Variants in RNF213 observed in about 807,000 individuals in gnomAD.
The protein encoded by RNF213 is ring finger protein 213.
A neutral mutation model predicts 514.4 loss-of-function variants in RNF213; 341 were observed. The observed-to-expected ratio is 0.66, with a 90% CI of 0.61 to 0.73. The LOEUF (loss-of-function observed/expected upper bound fraction) is 0.73, where lower values mean the gene tolerates loss of function less well. Ranked by LOEUF, RNF213 falls within the 30% of genes least tolerant of loss-of-function variation. The probability of loss-of-function intolerance (pLI) is 0.00; values close to 1 mark genes in which losing one functional copy is unlikely to be tolerated. For synonymous variants in RNF213, 2,655 were observed against 2,658.2 expected, an observed-to-expected ratio of 1.00 and a Z score of 0.04; for missense variants, 5,767 against 6,615.6, an observed-to-expected ratio of 0.87 and a Z score of 4.45.
Position 80,263,003 on chromosome 17 carries a change from T to A in RNF213, c.-108-571T>A, listed in dbSNP as rs2043478219. On this transcript the variant is annotated intron_variant, in intron 1 of 67. Coordinates refer to ENST00000582970, the MANE Select transcript of RNF213 (RefSeq NM_001256071.3). The surrounding 1 kb of genome is among the most constrained non-coding windows in gnomAD (Gnocchi z 4.9). ...AGGGAGAGAGTCAGGTCCTCCACTG[T>A]TAGGTGGCCAAGCGCCCAAACGCCA... Among the ~76,000 whole-genome samples, 1 of 152,088 alleles carries A rather than the reference T, an allele frequency of 6.6e-6. No individual in the cohort carries two copies. Among genetic ancestry groups the A allele is most frequent in the Non-Finnish European group, 1.5e-5 (1 of 67,982 alleles).
chr17:80,306,276 A>C lies in RNF213; in HGVS notation c.2235A>C (p.Arg745Ser). 1 of 1,614,064 alleles carries C rather than the reference A, an allele frequency of 6.2e-7. No homozygotes were observed. The highest frequency in any genetic ancestry group is 8.5e-7 in the Non-Finnish European group (1 of 1,180,030). The change falls in exon 12 of 68, where the codon AGA (arginine) becomes AGC (serine). Residue 745 changes from arginine (R) to serine (S), a missense_variant. Around this residue, in one of 13 missense-constraint regions of RNF213, gnomAD observed 592 missense variants for 673.9 expected, o/e 0.88. Transcript: ENST00000582970. The stretch of plus-strand genomic sequence containing the variant: ...GGAGTTCCCTACTTCAGTTTATGAG[A>C]GAGAAGCAGCATTTGCTGAGCATAG... ...LDTSSLLQFM[R>S]EKQHLLSIDE...
chr17:80,283,376 A>G (rs1205297075), intron 3 of RNF213, among the ~76,000 whole-genome samples: 2 of 152,210 alleles, frequency 1.3e-5, no homozygotes, highest in Non-Finnish European at 2.9e-5. Flanking sequence ...TTTCTATTGA[A>G]AAGAGGTTCT....
intron 44 of RNF213, among the ~76,000 whole-genome samples, chr17:80,368,939 C>T (rs1021263141): frequency 1.3e-5 from 2 of 152,190 alleles, no homozygotes; most frequent in African/African-American, 2.4e-5. Flanking sequence ...ACCAGGCAAG[C>T]CCAGTGGATG....
In RNF213 at chr17:80,377,731, T is replaced by C; in HGVS notation, c.13511-31T>C. ...ATGTGGGTCATTGGGTGAAACCTCATTAGCCAATGTGTGTCCTGTTCTCTT... is the reference window on the plus strand; with the variant it reads ...ATGTGGGTCATTGGGTGAAACCTCACTAGCCAATGTGTGTCCTGTTCTCTT... On this transcript the variant is annotated intron_variant, in intron 53 of 67. Coordinates refer to ENST00000582970, the MANE Select transcript of RNF213 (RefSeq NM_001256071.3). This position sits in a 1 kb window ranked among gnomAD's most constrained non-coding sequence, Gnocchi z 4.1. The C allele has an allele frequency of 6.2e-7, 1 of 1,613,936 alleles. No homozygotes were observed. Among genetic ancestry groups the C allele is most frequent in the Non-Finnish European group, 8.5e-7 (1 of 1,179,782 alleles).
At chr17:80,311,873 T>A (rs2096340164) in intron 14 of RNF213, among the ~76,000 whole-genome samples, 1 of 152,144 alleles carries the variant, frequency 6.6e-6, no homozygotes, top group Non-Finnish European at 1.5e-5. Context: ...ACACCTGTAA[T>A]CCCAGCACTT....
At chr17:80,376,998 T>A in intron 53 of RNF213, 35 bp downstream of exon 53, 1 of 1,516,630 alleles carries the variant, frequency 6.6e-7, no homozygotes, top group African/African-American at 1.4e-5. Context: ...CCACACTCCT[T>A]TGAGCTTCAA....
chr17:80,391,448 T>C (rs1050818340), intron 67 of RNF213, among the ~76,000 whole-genome samples: 6 of 152,092 alleles, frequency 3.9e-5, no homozygotes, highest in African/African-American at 1.4e-4. Context: ...TTTTTTCTAT[T>C]TTAGTACAGA....
intron 2 of RNF213, among the ~76,000 whole-genome samples, chr17:80,271,784 C>G (rs954364795): frequency 1.3e-5 from 2 of 151,586 alleles, no homozygotes; most frequent in African/African-American, 4.9e-5. Flanking sequence ...CAAGACCAGC[C>G]TGACCAACAT....
rs142075904 is a variant in RNF213, at chr17:80,347,262, C to A, written c.8927C>A (p.Pro2976Gln). ...AAGGCTTCAAATAGAAAGCCTTCCC[C>A]GCAAGACATTGCACAGGCTGTCCTT... ...AAKASNRKPS[P>Q]QDIAQAVLRN... Residue 2976 changes from proline (P) to glutamine (Q), a missense_variant, in exon 29 of 68, where the codon CCG becomes CAG. Around this residue, in one of 13 missense-constraint regions of RNF213, gnomAD observed 919 missense variants for 1,121.0 expected, o/e 0.82. Coordinates refer to ENST00000582970, the MANE Select transcript of RNF213 (RefSeq NM_001256071.3). The surrounding 1 kb of genome is among the most constrained non-coding windows in gnomAD (Gnocchi z 7.2). The A allele has an allele frequency of 4.6e-5, 74 of 1,613,516 alleles. No individual in the cohort carries two copies. In the African/African-American group the frequency reaches 8.9e-4, roughly 19 times the overall value.
chr17:80,273,384 GCCT>G lies in RNF213; in HGVS notation c.245_247del (p.Ser82del). ...AAACCCCGAGGAGCCCTGTTCCAAA[GCCT>G]CCTGGACCGTCCAAGAAGTGAGTGC... On this transcript the variant is annotated inframe_deletion, in exon 3 of 68. Coordinates refer to ENST00000582970, the MANE Select transcript of RNF213 (RefSeq NM_001256071.3). 1 of 1,612,912 alleles carries G rather than the reference GCCT, an allele frequency of 6.2e-7. No homozygotes were observed. The highest frequency in any genetic ancestry group is 8.5e-7 in the Non-Finnish European group (1 of 1,179,944).
At position 80,287,856 on chromosome 17, in the gene RNF213, G is replaced by A. The variant is rs565693373; in HGVS notation, c.303G>A (p.Lys101=). Residue 101 remains lysine (K), a synonymous_variant, in exon 4 of 68, where the codon AAG becomes AAA. Coordinates refer to ENST00000582970, the MANE Select transcript of RNF213 (RefSeq NM_001256071.3). ...KKRKKKKKGN[K]SASSELASLP... ...GGAAGAAGAAAAAGAAGGGGAACAA[G>A]TCCGCTTCCTCAGAGCTGGCTTCCT... The A allele has an allele frequency of 4.8e-5, 77 of 1,606,468 alleles. No homozygotes were observed. The South Asian group carries it at 8.0e-4, about 17-fold the overall frequency.
chr17:80,378,618 A>G (rs2079857417), intron 54 of RNF213, among the ~76,000 whole-genome samples: 1 of 152,142 alleles, frequency 6.6e-6, no homozygotes. Context: ...GCCCAGCCTG[A>G]TACACGTCAT....
rs549431813 is a variant in RNF213, at chr17:80,337,995, G to C, written c.4831G>C (p.Glu1611Gln). 6.5e-7 allele frequency: 1 copy of C among 1,537,308 alleles called. No individual in the cohort carries two copies. The highest frequency in any genetic ancestry group is 1.4e-5 in the African/African-American group (1 of 73,184). The change falls in exon 25 of 68, where the codon GAG (glutamate) becomes CAG (glutamine). Residue 1611 changes from glutamate to glutamine, a missense_variant and splice_region_variant. Physicochemically the swap from Glu to Gln is conservative, Grantham distance 29. Coordinates refer to ENST00000582970, the MANE Select transcript of RNF213 (RefSeq NM_001256071.3). ...RNNTEVERFS[E>Q]VFCSVQRLSQ... ...CAACACGGAAGTGGAGAGGTTTTCA[G>C]AGGTGAGGGCGCATCTTTGCAGTGG...
intron 2 of RNF213, among the ~76,000 whole-genome samples, chr17:80,268,587 A>G (rs1044712859): frequency 1.3e-5 from 2 of 151,852 alleles, no homozygotes; most frequent in African/African-American, 4.8e-5. Context: ...CTCCTAATAC[A>G]TCCTCTCTCA....
chr17:80,277,595 CAAA>C (rs34659718), intron 3 of RNF213, among the ~76,000 whole-genome samples: 4,901 of 69,600 alleles, frequency 0.07, 115 homozygotes, highest in African/African-American at 0.19. Context: ...GACTCTGTCT[CAAA>C]AAAAAAAAAA....
chr17:80,367,802 C>T lies in RNF213; in HGVS notation c.11926C>T (p.Arg3976Cys), dbSNP rs780312086. Residue 3976 changes from arginine (R) to cysteine (C), a missense_variant, in exon 43 of 68, where the codon CGC (arginine) becomes TGC (cysteine). Transcript: ENST00000582970. ...KTHGPFEAVM[R>C]TLCECKETAS... ...GCACGGGCCTTTTGAGGCCGTGATG[C>T]GCACTCTCTGTGAATGCAAGGAGAC... The T allele has an allele frequency of 5.0e-6, 8 of 1,614,198 alleles. No homozygotes were observed. The highest frequency in any genetic ancestry group is 1.1e-5 in the South Asian group (1 of 91,086).
Position 80,353,741 on chromosome 17 carries a change from A to G in RNF213, c.10578+75A>G, listed in dbSNP as rs78725532. On this transcript the variant is annotated intron_variant, in intron 34 of 67. Transcript: ENST00000582970. The surrounding 1 kb of genome is among the most constrained non-coding windows in gnomAD (Gnocchi z 5.0). ...GAGCTGCATCTTTAAACGCTTTTGCATTGGGAGCTAGAGGAGTCGCCGCCG... is the reference window on the plus strand; with the variant it reads ...GAGCTGCATCTTTAAACGCTTTTGCGTTGGGAGCTAGAGGAGTCGCCGCCG... The G allele has an allele frequency of 0.048, 76,586 of 1,597,784 alleles. 2,318 individuals carry two copies. The highest frequency in any genetic ancestry group is 0.17 in the East Asian group (7,695 of 44,786).
At chr17:80,318,958 C>G (rs185535834) in intron 16 of RNF213, among the ~76,000 whole-genome samples, 2 of 152,260 alleles carry the variant, frequency 1.3e-5, no homozygotes, top group African/African-American at 4.8e-5. Flanking sequence ...CCTGTTTTTG[C>G]AAGCCAGGTG....
intron 18 of RNF213, 41 bp downstream of exon 18, chr17:80,325,239 G>A: frequency 2.0e-6 from 3 of 1,496,840 alleles, no homozygotes; most frequent in Non-Finnish European, 2.7e-6. Context: ...CTCAGGCAAG[G>A]TGGTGTCTTC....
Sources: allele counts gnomAD v4.1 joint callset (sites outside exome capture counted in the v4.1 genomes callset), GRCh38; gene constraint gnomAD v4.1.1; regional missense constraint gnomAD v4.1.1; non-coding constraint Gnocchi (gnomAD v3.1); transcripts MANE v1.5; gene names NCBI Gene and HGNC (gene_info 2026-07-23, HGNC 2026-07-21).